FUT8: variants seen among roughly 807,000 people sequenced by gnomAD.
The protein encoded by FUT8 is fucosyltransferase 8.
A neutral mutation model predicts 71.3 loss-of-function variants in FUT8; 29 were observed. The observed-to-expected ratio is 0.41, with a 90% CI of 0.30 to 0.55. FUT8 has a LOEUF of 0.55. Ranked by LOEUF, FUT8 falls within the 20% of genes least tolerant of loss-of-function variation. The pLI, the probability that FUT8 is intolerant of heterozygous loss-of-function variation, is 0.34. For missense variants in FUT8, 544 were observed against 702.1 expected (o/e 0.77, Z 2.55); for synonymous variants, 254 against 239.3 (o/e 1.06, Z -0.57).
the FUT8 span, among the ~76,000 whole-genome samples, chr14:65,378,783 A>G: frequency 6.6e-6 from 1 of 151,080 alleles, no homozygotes; most frequent in Non-Finnish European, 1.5e-5. Context: ...TGACTCTTCC[A>G]TGTAAAGAAT....
intron 2 of FUT8, among the ~76,000 whole-genome samples, chr14:65,517,697 A>G (rs772331776): frequency 1.3e-5 from 2 of 152,122 alleles, no homozygotes; most frequent in African/African-American, 2.4e-5. Context: ...CTTTCCTTCT[A>G]CCAAACTGCC....
chr14:65,459,592 AAG>A (rs201355629), intron 2 of FUT8, among the ~76,000 whole-genome samples: 3 of 151,792 alleles, frequency 2.0e-5, no homozygotes, highest in African/African-American at 2.4e-5. Context: ...TCCCAGGATA[AAG>A]AGAGAGAGAG....
intron 9 of FUT8, among the ~76,000 whole-genome samples, chr14:65,731,694 T>C (rs1895989055): frequency 6.6e-6 from 1 of 152,158 alleles, no homozygotes. Flanking sequence ...AGGGTTTCAC[T>C]GTGTTGCCCA....
At chr14:65,497,437 C>A (rs945000276) in intron 2 of FUT8, among the ~76,000 whole-genome samples, 1 of 151,948 alleles carries the variant, frequency 6.6e-6, no homozygotes, top group Non-Finnish European at 1.5e-5. Flanking sequence ...GAGCCCAGAC[C>A]CTGCAGTTTT....
chr14:65,421,423 G>A (rs1020419752), intron 1 of FUT8, among the ~76,000 whole-genome samples: 6 of 152,048 alleles, frequency 3.9e-5, no homozygotes, highest in Admixed American at 2.0e-4. Context: ...ATGGCAATAC[G>A]TCATACTTCT....
intron 2 of FUT8, chr14:65,468,357 C>T (rs923504472): frequency 2.4e-5 from 13 of 548,850 alleles, no homozygotes; most frequent in African/African-American, 2.1e-4. Context: ...TGGCGAATTA[C>T]TGGAAGATGG....
chr14:65,369,953 GTCCAAGAACCCTCTCTT>G, the FUT8 span, among the ~76,000 whole-genome samples: 4 of 151,970 alleles, frequency 2.6e-5, no homozygotes, highest in Admixed American at 6.6e-5. This position sits in a 1 kb window ranked among gnomAD's most constrained non-coding sequence, Gnocchi z 4.6. Flanking sequence ...CTTGCTGGAG[GTCCAAGAACCCTCTCTT>G]TGGGTCTGAA....
intron 1 of FUT8, among the ~76,000 whole-genome samples, chr14:65,454,109 A>C (rs759242400): frequency 9.9e-5 from 15 of 152,246 alleles, no homozygotes; most frequent in Non-Finnish European, 2.2e-4. Context: ...ATCTGAGGGT[A>C]AATCTGTTAC....
rs547331546 is a variant in FUT8, at chr14:65,524,120, G to A, written c.-227-37217G>A. Among the ~76,000 whole-genome samples, 220 of 152,292 alleles carry A rather than the reference G, an allele frequency of 1.4e-3. 1 individual carries two copies. Among genetic ancestry groups the A allele is most frequent in the African/African-American group, 2.5e-3 (105 of 41,544 alleles). On this transcript the variant is annotated intron_variant, in intron 2 of 10. Coordinates refer to ENST00000673929, the MANE Select transcript of FUT8 (RefSeq NM_001371533.1). ...TCCAATTCTGTGAAGAAAGTCATTCGTAGTTTGATGGGGATGGCATTGAAT... is the reference window on the plus strand; with the variant it reads ...TCCAATTCTGTGAAGAAAGTCATTCATAGTTTGATGGGGATGGCATTGAAT...
At chr14:65,729,460 A>T (rs1016342208) in intron 9 of FUT8, among the ~76,000 whole-genome samples, 2 of 152,076 alleles carry the variant, frequency 1.3e-5, no homozygotes, top group African/African-American at 4.8e-5. Flanking sequence ...TATGCCTAAA[A>T]TTATCCACAT....
Position 65,733,362 on chromosome 14 carries a change from T to C in FUT8, c.1391T>C (p.Val464Ala). 1 of 1,592,050 alleles carries C rather than the reference T, an allele frequency of 6.3e-7. No individual in the cohort carries two copies. Among genetic ancestry groups the C allele is most frequent in the Non-Finnish European group, 8.5e-7 (1 of 1,170,304 alleles). Residue 464 changes from valine (V) to alanine (A), a missense_variant, in exon 10 of 11, where the codon GTG (valine) becomes GCG (alanine). Val to Ala is a moderately conservative substitution (Grantham distance 64). Transcript: ENST00000673929. ...IHFLSQADFL[V>A]CTFSSQVCRV... ...TTTCTCTCTCAGGCAGACTTCCTAG[T>C]GTGTACTTTTTCATCCCAGGTAAGT...
chr14:65,664,375 C>G lies in FUT8; in HGVS notation c.598-4868C>G, dbSNP rs534969299. On this transcript the variant is annotated intron_variant, in intron 6 of 10. Transcript: ENST00000673929. Reference sequence around the variant, plus strand: ...CTCAGATCTTTTGTGGCTATAGCAACAAGTGTGAGAATGCTTATTGCTTTA... The same window carrying G: ...CTCAGATCTTTTGTGGCTATAGCAAGAAGTGTGAGAATGCTTATTGCTTTA... 3.3e-5 allele frequency among the ~76,000 whole-genome samples: 5 copies of G among 152,220 alleles called. No individual in the cohort carries two copies. In the South Asian group the frequency reaches 8.3e-4, roughly 25 times the overall value.
In FUT8 at chr14:65,629,494, C is replaced by G. The variant is rs1346240702; in HGVS notation, c.485C>G (p.Ser162Cys). Residue 162 changes from serine to cysteine, a missense_variant and splice_region_variant, in exon 6 of 11, where the codon TCT (serine) becomes TGT (cysteine). Physicochemically the swap from Ser to Cys is moderately radical, Grantham distance 112. Transcript: ENST00000673929. ...FLLDLGHHERSIMTDLYYLSQ... is the reference protein window; with the variant it reads ...FLLDLGHHERCIMTDLYYLSQ... ...TCCATTGTTGTTTGTTTTAACAGGTCTATAATGACGGATCTATACTACCTC... is the reference window on the plus strand; with the variant it reads ...TCCATTGTTGTTTGTTTTAACAGGTGTATAATGACGGATCTATACTACCTC... 1.1e-5 allele frequency: 18 copies of G among 1,607,972 alleles called. No homozygotes were observed. Among genetic ancestry groups the G allele is most frequent in the Non-Finnish European group, 1.5e-5 (18 of 1,174,610 alleles).
intron 2 of FUT8, among the ~76,000 whole-genome samples, chr14:65,513,246 A>G (rs892845347): frequency 3.3e-5 from 5 of 152,214 alleles, no homozygotes; most frequent in Non-Finnish European, 7.3e-5. Flanking sequence ...ATCTATTTGC[A>G]TGTTAAGTGC....
intron 1 of FUT8, among the ~76,000 whole-genome samples, chr14:65,431,699 A>G (rs1456202808): frequency 6.6e-6 from 1 of 150,598 alleles, no homozygotes; most frequent in Non-Finnish European, 1.5e-5. Context: ...AGACTATCCA[A>G]CAGAAGCTTC....
At chr14:65,509,615 C>G (rs1321593532) in intron 2 of FUT8, among the ~76,000 whole-genome samples, 1 of 151,964 alleles carries the variant, frequency 6.6e-6, no homozygotes, top group East Asian at 1.9e-4. Context: ...AGTATAGTTT[C>G]TGTTACAGAG....
At chr14:65,393,017 A>G in the FUT8 span, among the ~76,000 whole-genome samples, 1 of 152,330 alleles carries the variant, frequency 6.6e-6, no homozygotes, top group South Asian at 2.1e-4. Context: ...TAGCGGCTAC[A>G]GACTAGGAGT....
intron 1 of FUT8, among the ~76,000 whole-genome samples, chr14:65,429,690 C>G (rs1291380465): frequency 6.6e-6 from 1 of 151,698 alleles, no homozygotes; most frequent in Admixed American, 6.6e-5. Flanking sequence ...TGGTGATACC[C>G]CATCTTTACA....
chr14:65,575,548 C>T (rs1886708913), intron 3 of FUT8, among the ~76,000 whole-genome samples: 1 of 147,764 alleles, frequency 6.8e-6, no homozygotes, highest in African/African-American at 2.5e-5. Flanking sequence ...TAGAACCAAC[C>T]TCCCTTCCTC....
Sources: gnomAD v4.1 joint callset for allele counts (sites outside exome capture counted in the v4.1 genomes callset) on GRCh38, gnomAD v4.1.1 for gene constraint, Gnocchi (gnomAD v3.1) non-coding constraint, MANE v1.5 for transcripts, NCBI Gene and HGNC (gene_info 2026-07-23, HGNC 2026-07-21) for gene names.